The following SLC16A8 variants were observed in gnomAD, a reference collection of about 807,000 sequenced individuals.
The protein encoded by SLC16A8 is monocarboxylate transporter 3.
Under a neutral mutation model 22.4 loss-of-function variants are expected in SLC16A8, and 20 were observed. The ratio of observed to expected loss-of-function variants is 0.89; its 90% CI spans 0.63 to 1.30. SLC16A8 has a LOEUF of 1.30. Ranked by LOEUF, SLC16A8 falls within the 50% of genes most tolerant of loss-of-function variation. The probability of loss-of-function intolerance (pLI) is 0.00; values close to 1 mark genes in which losing one functional copy is unlikely to be tolerated. For synonymous variants in SLC16A8, 393 were observed against 358.8 expected (o/e 1.10, Z -1.08); for missense variants, 817 against 740.3 (o/e 1.10, Z -1.20).
intron 1 of SLC16A8, among the ~76,000 whole-genome samples, 200 bp from the exon 2 acceptor site, chr22:38,083,561 A>G (rs1477657185): frequency 1.3e-5 from 2 of 150,292 alleles, no homozygotes; most frequent in African/African-American, 5.0e-5. Flanking sequence ...ATCTTGCGGG[A>G]GAGGAGTCAG....
At position 38,082,760 on chromosome 22, in the gene SLC16A8, G is replaced by A. The variant is rs2085938728; in HGVS notation, c.114C>T (p.Ala38=). Residue 38 remains alanine (A), a synonymous_variant, in exon 3 of 6, where the codon GCC becomes GCT. Coordinates refer to ENST00000681075, the MANE Select transcript of SLC16A8 (RefSeq NM_013356.3). ...TGAGCGCGCGGAAGAAGACGCTCAC[G>A]GCTTTGGGGAAGCCGTAGGCGAAGC... ...VTGFAYGFPK[A]VSVFFRALMR... 6.3e-7 allele frequency: 1 copy of A among 1,593,996 alleles called. No homozygotes were observed. Among genetic ancestry groups the A allele is most frequent in the Non-Finnish European group, 8.5e-7 (1 of 1,173,084 alleles).
At chr22:38,083,628 C>T (rs1295912354) in intron 1 of SLC16A8, among the ~76,000 whole-genome samples, 2 of 152,226 alleles carry the variant, frequency 1.3e-5, no homozygotes, top group African/African-American at 4.8e-5. Context: ...GAGTGGCCTT[C>T]TGCCCTCCAA....
At position 38,081,215 on chromosome 22, in the gene SLC16A8, C is replaced by T. The variant is rs1388503311; in HGVS notation, c.823G>A (p.Val275Met). ...LGLFVPAILL[V>M]NYAKDAGVPD... is the part of the protein sequence containing the mutation. ...ACGCCCGCGTCCTTGGCGTAGTTCACCAGCAGGATGGCGGGGACGAAGAGC... is the reference window on the plus strand; with the variant it reads ...ACGCCCGCGTCCTTGGCGTAGTTCATCAGCAGGATGGCGGGGACGAAGAGC... Residue 275 changes from valine (V) to methionine (M), a missense_variant, in exon 5 of 6, where the codon GTG becomes ATG. Physicochemically the swap from Val to Met is conservative, Grantham distance 21. Coordinates refer to ENST00000681075, the MANE Select transcript of SLC16A8 (RefSeq NM_013356.3). 2 of 1,575,006 alleles carry T rather than the reference C, an allele frequency of 1.3e-6. No homozygotes were observed. Among genetic ancestry groups the T allele is most frequent in the Admixed American group, 3.6e-5 (2 of 55,122 alleles).
At chr22:38,082,464 C>T (rs2085932790) in intron 3 of SLC16A8, among the ~76,000 whole-genome samples, 196 bp downstream of exon 3, 1 of 152,260 alleles carries the variant, frequency 6.6e-6, no homozygotes, top group Non-Finnish European at 1.5e-5. Context: ...GGGCAGCCCC[C>T]TGGGCCGGCC....
chr22:38,081,702 C>A, intron 4 of SLC16A8, 23 bp from the exon 5 acceptor site: 1 of 1,478,708 alleles, frequency 6.8e-7, no homozygotes, highest in Non-Finnish European at 8.9e-7. Flanking sequence ...CGGTGCTGTG[C>A]CGGGGTCCCC....
Position 38,081,207 on chromosome 22 carries a change from G to A in SLC16A8, c.831C>T (p.Tyr277=). The A allele has an allele frequency of 1.1e-5, 17 of 1,569,944 alleles. No homozygotes were observed. The highest frequency in any genetic ancestry group is 1.8e-5 in the Admixed American group (1 of 54,312). Residue 277 remains tyrosine, a synonymous_variant, in exon 5 of 6, where the codon TAC becomes TAT. Coordinates refer to ENST00000681075, the MANE Select transcript of SLC16A8 (RefSeq NM_013356.3). ...LFVPAILLVN[Y]AKDAGVPDTD... The stretch of plus-strand genomic sequence containing the variant: ...TGTCGGGCACGCCCGCGTCCTTGGC[G>A]TAGTTCACCAGCAGGATGGCGGGGA...
chr22:38,082,952 G>C (rs1473848340), intron 2 of SLC16A8, 71 bp from the exon 3 acceptor site: 1 of 986,028 alleles, frequency 1.0e-6, no homozygotes, highest in African/African-American at 1.6e-5. Flanking sequence ...GGATGGAGAC[G>C]AAGCATGGGG....
In SLC16A8 at chr22:38,081,068, T is replaced by C. The variant is rs1411064784; in HGVS notation, c.970A>G (p.Ser324Gly). The C allele has an allele frequency of 8.9e-6, 14 of 1,581,386 alleles. No individual in the cohort carries two copies. Among genetic ancestry groups the C allele is most frequent in the South Asian group, 1.1e-5 (1 of 87,622 alleles). Residue 324 changes from serine (S) to glycine (G), a missense_variant, in exon 5 of 6, where the codon AGC (serine) becomes GGC (glycine). Ser to Gly is a moderately conservative substitution (Grantham distance 56, BLOSUM62 0). Coordinates refer to ENST00000681075, the MANE Select transcript of SLC16A8 (RefSeq NM_013356.3). ...RLRPHVPYLF[S>G]LALLANGLTD... Reference sequence around the variant, plus strand: ...AGCCCATTGGCCAGCAGGGCCAGGCTGAACAGATACGGGACGTGCGGCCGC... The same window carrying C: ...AGCCCATTGGCCAGCAGGGCCAGGCCGAACAGATACGGGACGTGCGGCCGC...
At chr22:38,082,173 A>C in intron 3 of SLC16A8, 141 bp from the exon 4 acceptor site, 1 of 1,051,744 alleles carries the variant, frequency 9.5e-7, no homozygotes, top group Non-Finnish European at 1.3e-6. Context: ...CAGGCCAAAG[A>C]GACAGCATCC....
intron 5 of SLC16A8, 131 bp downstream of exon 5, chr22:38,080,709 G>C: frequency 1.6e-6 from 2 of 1,272,682 alleles, no homozygotes; most frequent in Non-Finnish European, 1.0e-6. Context: ...CTAACTGGCC[G>C]TGAAGGGGAG....
At position 38,081,084 on chromosome 22, in the gene SLC16A8, G is replaced by A. The variant is rs781028975; in HGVS notation, c.954C>T (p.His318=). Residue 318 remains histidine (H), a synonymous_variant, in exon 5 of 6, where the codon CAC becomes CAT. Transcript: ENST00000681075. ...ALAGLARLRP[H]VPYLFSLALL... is the part of the protein sequence containing the mutation. Reference sequence around the variant, plus strand: ...GGGCCAGGCTGAACAGATACGGGACGTGCGGCCGCAGACGCGCCAGGCCCG... The same window carrying A: ...GGGCCAGGCTGAACAGATACGGGACATGCGGCCGCAGACGCGCCAGGCCCG... 1.3e-6 allele frequency: 2 copies of A among 1,566,078 alleles called. No individual in the cohort carries two copies. The highest frequency in any genetic ancestry group is 2.3e-5 in the East Asian group (1 of 43,144).
At chr22:38,082,156 G>A (rs2085927894) in intron 3 of SLC16A8, 124 bp from the exon 4 acceptor site, 3 of 1,172,538 alleles carry the variant, frequency 2.6e-6, no homozygotes. Context: ...ACACAGCTTG[G>A]AGGGGACAGG....
intron 5 of SLC16A8, among the ~76,000 whole-genome samples, chr22:38,079,962 C>T (rs577251672): frequency 1.3e-3 from 199 of 152,298 alleles, no homozygotes; most frequent in Non-Finnish European, 1.6e-3. Flanking sequence ...TGAGGGCACT[C>T]GATTAGCCCA....
chr22:38,078,977 A>G (rs1002546430), intron 5 of SLC16A8, among the ~76,000 whole-genome samples: 1 of 152,072 alleles, frequency 6.6e-6, no homozygotes, highest in African/African-American at 2.4e-5. Flanking sequence ...CTCTGATTCA[A>G]GCCCCACAAG....
Position 38,082,794 on chromosome 22 carries a change from A to G in SLC16A8, c.80T>C (p.Val27Ala), listed in dbSNP as rs768623575. The G allele has an allele frequency of 1.0e-5, 16 of 1,595,512 alleles. No homozygotes were observed. The African/African-American group carries it at 1.5e-4, about 15-fold the overall frequency. Residue 27 changes from valine to alanine, a missense_variant, in exon 3 of 6, where the codon GTG becomes GCG. Transcript: ENST00000681075. The stretch of plus-strand genomic sequence containing the variant: ...GAAGCCGTAGGCGAAGCCGGTGACC[A>G]CAAAGCAGGCGCCCAGCACCACCCA... ...WGWVVLGACFVVTGFAYGFPK... is the reference protein window; with the variant it reads ...WGWVVLGACFAVTGFAYGFPK...
chr22:38,078,423 C>CT lies in SLC16A8; in HGVS notation c.1479dup (p.Glu494ArgfsTer23). 6.2e-7 allele frequency: 1 copy of CT among 1,609,180 alleles called. No individual in the cohort carries two copies. The highest frequency in any genetic ancestry group is 1.1e-5 in the South Asian group (1 of 91,060). ...TCGGCAGCCAGCCTCGGCCTCGCCT[C>CT]TATTTCTGGTTCTGTGGGCTCGCCC... On this transcript the variant is annotated frameshift_variant, in exon 6 of 6. Coordinates refer to ENST00000681075, the MANE Select transcript of SLC16A8 (RefSeq NM_013356.3). LOFTEE classifies it low-confidence loss of function (END_TRUNC).
Position 38,081,368 on chromosome 22 carries a change from C to T in SLC16A8, c.670G>A (p.Gly224Ser), listed in dbSNP as rs545795719. The T allele has an allele frequency of 2.3e-5, 33 of 1,427,758 alleles. No individual in the cohort carries two copies. In the East Asian group the frequency reaches 9.5e-4, roughly 41 times the overall value. 88.4% of individuals were successfully genotyped at this position (1,427,758 alleles called of 1,614,324 possible). The change falls in exon 5 of 6, where the codon GGT (glycine) becomes AGT (serine). Residue 224 changes from glycine to serine, a missense_variant. Coordinates refer to ENST00000681075, the MANE Select transcript of SLC16A8 (RefSeq NM_013356.3). ...GCCTCGCGCAGCTGCAGCCCCGCAC[C>T]GTCAGCCTCCGCCTCGCCCGGAGCG... is the stretch of plus-strand genomic sequence containing the variant. ...GDAPGEAEAD[G>S]AGLQLREASP...
At position 38,080,862 on chromosome 22, in the gene SLC16A8, C is replaced by T. The variant is rs1409608414; in HGVS notation, c.1176G>A (p.Val392=). The part of the protein sequence containing the change: ...GLVLLVEAAA[V]LIGPPSAGRL... Reference sequence around the variant, plus strand: ...CACCGGCAGAGGGCGGTCCGATGAGCACAGCCGCGGCCTCCACGAGCAACA... The same window carrying T: ...CACCGGCAGAGGGCGGTCCGATGAGTACAGCCGCGGCCTCCACGAGCAACA... Residue 392 remains valine, a synonymous_variant, in exon 5 of 6, where the codon GTG becomes GTA. Transcript: ENST00000681075. The T allele has an allele frequency of 6.5e-7, 1 of 1,534,114 alleles. No individual in the cohort carries two copies. The highest frequency in any genetic ancestry group is 1.2e-5 in the South Asian group (1 of 82,742).
chr22:38,080,862 C>A lies in SLC16A8; in HGVS notation c.1176G>T (p.Val392=). 1 of 1,534,114 alleles carries A rather than the reference C, an allele frequency of 6.5e-7. No individual in the cohort carries two copies. The change falls in exon 5 of 6, where the codon GTG becomes GTT. Residue 392 remains valine (V), a synonymous_variant. Transcript: ENST00000681075. ...CACCGGCAGAGGGCGGTCCGATGAG[C>A]ACAGCCGCGGCCTCCACGAGCAACA... ...GLVLLVEAAA[V]LIGPPSAGRL...
Sources: allele counts gnomAD v4.1 joint callset (sites outside exome capture counted in the v4.1 genomes callset), GRCh38; gene constraint gnomAD v4.1.1; transcripts MANE v1.5; gene names NCBI Gene and HGNC (gene_info 2026-07-23, HGNC 2026-07-21).